PROM1: variants seen among roughly 807,000 people sequenced by gnomAD.
The protein encoded by PROM1 is prominin-1.
PROM1 carries 105 observed loss-of-function variants against 116.9 expected under a neutral mutation model. The observed-to-expected ratio is 0.90, with a 90% CI of 0.77 to 1.06. The LOEUF is 1.06. Among genes scored for constraint, PROM1 ranks in the 50% least tolerant of loss-of-function variants. The probability of loss-of-function intolerance (pLI) is 0.00; values close to 1 mark genes in which losing one functional copy is unlikely to be tolerated. For missense variants in PROM1, 1,122 were observed against 1,045.2 expected (o/e 1.07, Z -1.01); for synonymous variants, 393 against 387.0 (o/e 1.02, Z -0.18).
intron 5 of PROM1, among the ~76,000 whole-genome samples, chr4:16,027,417 C>A (rs991591443): frequency 6.6e-6 from 1 of 152,096 alleles, no homozygotes; most frequent in Non-Finnish European, 1.5e-5. Context: ...CCTGAACATA[C>A]CTGATGTTCA....
At chr4:16,054,824 C>T (rs1482622162) in intron 2 of PROM1, among the ~76,000 whole-genome samples, 1 of 152,052 alleles carries the variant, frequency 6.6e-6, no homozygotes, top group African/African-American at 2.4e-5. Context: ...CCTATCAAAA[C>T]CCTCCCTATA....
chr4:16,061,931 G>A lies in PROM1; in HGVS notation c.220+13756C>T, dbSNP rs1262440303. Among the ~76,000 whole-genome samples the A allele has an allele frequency of 2.0e-4, 25 of 125,420 alleles. No homozygotes were observed. The South Asian group carries it at 5.6e-3, about 28-fold the overall frequency. 82.3% of individuals were successfully genotyped at this position (125,420 alleles called of 152,430 possible). ...TTTTGAGACGGAGTCTCGCTCTGTC[G>A]CCCAGGCTGGAGTGCAGTGGCGCGA... On this transcript the variant is annotated intron_variant, in intron 2 of 27. Transcript: ENST00000447510.
In PROM1 at chr4:15,998,624, A is replaced by G. The variant is rs190959026; in HGVS notation, c.1579-136T>C. Reference sequence around the variant, plus strand: ...TATTTTTCTGGTTGATTTCCAACTTATAACTAGAAAATAATAGTATAATTG... The same window carrying G: ...TATTTTTCTGGTTGATTTCCAACTTGTAACTAGAAAATAATAGTATAATTG... On this transcript the variant is annotated intron_variant, in intron 14 of 27. Transcript: ENST00000447510. 5.1e-5 allele frequency: 49 copies of G among 954,560 alleles called. No homozygotes were observed. In the Admixed American group the frequency reaches 1.8e-3, roughly 36 times the overall value. The allele number at this position is 954,560 out of a possible 1,614,324, so 59.1% of individuals were successfully genotyped here.
chr4:16,081,292 C>T (rs934491199), intron 1 of PROM1, among the ~76,000 whole-genome samples: 1 of 152,158 alleles, frequency 6.6e-6, no homozygotes, highest in African/African-American at 2.4e-5. Flanking sequence ...CAATTCCCAA[C>T]AAACGGTGCT....
At position 16,037,304 on chromosome 4, in the gene PROM1, A is replaced by G. The variant is rs1345834812; in HGVS notation, c.277-1543T>C. 2.0e-5 allele frequency among the ~76,000 whole-genome samples: 3 copies of G among 152,284 alleles called. No individual in the cohort carries two copies. In the East Asian group the frequency reaches 5.8e-4, roughly 29 times the overall value. On this transcript the variant is annotated intron_variant, in intron 3 of 27. Transcript: ENST00000447510. ...ACGTGACAATCACATTGGGAGATAT[A>G]AATGAAGCCTGTGGCACTGAGGAAT... is the stretch of plus-strand genomic sequence containing the variant.
intron 11 of PROM1, among the ~76,000 whole-genome samples, chr4:16,009,690 A>C (rs1159398958): frequency 1.3e-5 from 2 of 152,168 alleles, no homozygotes; most frequent in African/African-American, 4.8e-5. Context: ...CTGTAATCCC[A>C]GCACTTTGGG....
At chr4:15,981,020 G>A (rs1273693381) in intron 23 of PROM1, among the ~76,000 whole-genome samples, 5 of 151,204 alleles carry the variant, frequency 3.3e-5, no homozygotes, top group Non-Finnish European at 5.9e-5. Context: ...AGAGTGCAGT[G>A]GTGCGATCTC....
At chr4:16,057,497 C>T (rs1739326186) in intron 2 of PROM1, among the ~76,000 whole-genome samples, 1 of 152,232 alleles carries the variant, frequency 6.6e-6, no homozygotes, top group African/African-American at 2.4e-5. Flanking sequence ...CACATCACCA[C>T]CTTCTGGCTC....
At chr4:16,062,093 C>T (rs1449083604) in intron 2 of PROM1, among the ~76,000 whole-genome samples, 1 of 151,848 alleles carries the variant, frequency 6.6e-6, no homozygotes, top group Non-Finnish European at 1.5e-5. Flanking sequence ...GGGGTTTCAC[C>T]GTGTTGGCCA....
At chr4:16,045,959 C>T (rs765622484) in intron 2 of PROM1, among the ~76,000 whole-genome samples, 13 of 152,194 alleles carry the variant, frequency 8.5e-5, no homozygotes, top group Non-Finnish European at 1.6e-4. Flanking sequence ...CTACAAAACA[C>T]ATGTTCATAA....
At chr4:15,998,600 A>AT (rs764368750) in intron 14 of PROM1, 112 bp from the exon 15 acceptor site, 739 of 1,178,220 alleles carry the variant, frequency 6.3e-4, no homozygotes, top group Non-Finnish European at 7.7e-4. Context: ...TCATAACATT[A>AT]TTTTTCTGGT....
At chr4:15,970,347 T>A (rs112268606) in intron 27 of PROM1, among the ~76,000 whole-genome samples, 5,085 of 151,412 alleles carry the variant, frequency 0.034, 294 homozygotes, top group African/African-American at 0.12. Flanking sequence ...CCGGCTAACT[T>A]TTTTTAGTAG....
chr4:16,039,676 T>C (rs991116388), intron 2 of PROM1, among the ~76,000 whole-genome samples: 15 of 149,568 alleles, frequency 1.0e-4, no homozygotes, highest in Non-Finnish European at 1.5e-4. Flanking sequence ...AGGTGGAGGT[T>C]GCAGTGAGCC....
At chr4:16,041,222 T>C (rs1354434357) in intron 2 of PROM1, among the ~76,000 whole-genome samples, 1 of 152,240 alleles carries the variant, frequency 6.6e-6, no homozygotes, top group Admixed American at 6.5e-5. Flanking sequence ...TGATACTCAT[T>C]ATATTCTTTG....
At chr4:15,985,739 C>T in intron 22 of PROM1, 21 bp downstream of exon 22, 1 of 1,493,198 alleles carries the variant, frequency 6.7e-7, no homozygotes, top group Non-Finnish European at 9.3e-7. Context: ...CCTTAACATT[C>T]ATAAAAGATA....
In PROM1 at chr4:16,016,182, T is replaced by C; in HGVS notation, c.1061A>G (p.Asp354Gly). The C allele has an allele frequency of 6.4e-7, 1 of 1,554,922 alleles. No individual in the cohort carries two copies. Among genetic ancestry groups the C allele is most frequent in the Non-Finnish European group, 8.7e-7 (1 of 1,148,462 alleles). ...NVNNVLRTDL[D>G]GLVQQGYQSL... ...AAAGCATACCTGTTGGACCAGGCCATCCAAATCTGTCCTAAGAACGTTATT... is the reference window on the plus strand; with the variant it reads ...AAAGCATACCTGTTGGACCAGGCCACCCAAATCTGTCCTAAGAACGTTATT... The change falls in exon 10 of 28, where the codon GAT (aspartate) becomes GGT (glycine). Residue 354 changes from aspartate (D) to glycine (G), a missense_variant. Transcript: ENST00000447510.
chr4:15,986,101 C>A, intron 20 of PROM1, 64 bp from the exon 21 acceptor site: 1 of 1,193,350 alleles, frequency 8.4e-7, no homozygotes, highest in Non-Finnish European at 1.2e-6. Flanking sequence ...AGACAATTTG[C>A]ATATTGATTC....
intron 11 of PROM1, 66 bp downstream of exon 11, chr4:16,013,209 A>G: frequency 7.8e-7 from 1 of 1,281,408 alleles, no homozygotes; most frequent in South Asian, 1.3e-5. Flanking sequence ...ACAATGCAAT[A>G]CTTGGCAACA....
At chr4:16,055,869 G>A (rs1000871259) in intron 2 of PROM1, among the ~76,000 whole-genome samples, 2 of 152,114 alleles carry the variant, frequency 1.3e-5, no homozygotes, top group African/African-American at 2.4e-5. Flanking sequence ...GGCTAAGAAT[G>A]TTCTGGGAAA....
Sources: allele counts gnomAD v4.1 joint callset (sites outside exome capture counted in the v4.1 genomes callset), GRCh38; gene constraint gnomAD v4.1.1; transcripts MANE v1.5; gene names NCBI Gene and HGNC (gene_info 2026-07-23, HGNC 2026-07-21).